Variants in RASEF observed in about 807,000 individuals in gnomAD.
RASEF encodes RAS and EF-hand domain containing.
A neutral mutation model predicts 90.1 loss-of-function variants in RASEF; 68 were observed. The observed-to-expected ratio is 0.75, with a 90% CI of 0.62 to 0.92. The LOEUF (loss-of-function observed/expected upper bound fraction) is 0.92. RASEF is among the 40% of genes least tolerant of loss of function. RASEF has a pLI of 0.00. For synonymous variants in RASEF, 331 were observed against 345.2 expected (o/e 0.96, Z 0.46); for missense variants, 949 against 937.2 (o/e 1.01, Z -0.16).
chr9:83,032,071 CT>C (rs1313105302), intron 1 of RASEF, among the ~76,000 whole-genome samples: 4 of 152,132 alleles, frequency 2.6e-5, no homozygotes, highest in African/African-American at 7.2e-5. Context: ...TTCTGTGCCT[CT>C]CCTGGGCAGC....
chr9:83,026,975 A>G (rs974621128), intron 1 of RASEF, among the ~76,000 whole-genome samples: 2 of 152,122 alleles, frequency 1.3e-5, no homozygotes, highest in African/African-American at 4.8e-5. Flanking sequence ...TGCCACGTAC[A>G]CTTCTGACCA....
intron 1 of RASEF, among the ~76,000 whole-genome samples, chr9:83,027,557 T>G: frequency 6.6e-6 from 1 of 150,968 alleles, no homozygotes; most frequent in East Asian, 1.9e-4. Flanking sequence ...TCACACTATT[T>G]ATTTGTGACA....
the RASEF span, among the ~76,000 whole-genome samples, chr9:83,205,296 G>A: frequency 6.6e-6 from 1 of 152,214 alleles, no homozygotes; most frequent in Non-Finnish European, 1.5e-5. Flanking sequence ...AGAGTTGCTA[G>A]ATGAAGCACA....
At chr9:83,157,740 A>C in the RASEF span, among the ~76,000 whole-genome samples, 2 of 152,196 alleles carry the variant, frequency 1.3e-5, no homozygotes, top group Non-Finnish European at 2.9e-5. Context: ...AACTACAATG[A>C]GCTAACAAAT....
the RASEF span, among the ~76,000 whole-genome samples, chr9:83,196,005 G>A: frequency 2.3e-3 from 343 of 152,126 alleles, 4 homozygotes; most frequent in African/African-American, 7.7e-3. Context: ...ACTTGGACCC[G>A]GGGGTGGCAG....
At chr9:83,105,862 G>A in the RASEF span, among the ~76,000 whole-genome samples, 1 of 152,088 alleles carries the variant, frequency 6.6e-6, no homozygotes, top group East Asian at 1.9e-4. Flanking sequence ...CCCATGTGCC[G>A]GCTGCAGGAC....
the RASEF span, among the ~76,000 whole-genome samples, chr9:83,079,682 A>C: frequency 1.3e-5 from 2 of 152,270 alleles, no homozygotes; most frequent in Admixed American, 1.3e-4. Context: ...TTAAAAAAAT[A>C]CTCATGTCAG....
chr9:83,193,029 A>G, the RASEF span, among the ~76,000 whole-genome samples: 1 of 152,250 alleles, frequency 6.6e-6, no homozygotes, highest in Admixed American at 6.5e-5. Flanking sequence ...TAGACCTCTT[A>G]GAGGTGTGAA....
At chr9:83,065,017 G>A (rs1372350431), upstream of RASEF, among the ~76,000 whole-genome samples, 1 of 152,112 alleles carries the variant, frequency 6.6e-6, no homozygotes, top group South Asian at 2.1e-4. Context: ...GCAGTGAGCC[G>A]AGATCGCGCC....
chr9:83,082,008 T>A, the RASEF span, among the ~76,000 whole-genome samples: 2 of 152,160 alleles, frequency 1.3e-5, no homozygotes, highest in Non-Finnish European at 2.9e-5. Context: ...AAAATGGGGA[T>A]GTTGCCATAG....
chr9:83,121,567 G>T, the RASEF span, among the ~76,000 whole-genome samples: 1 of 152,106 alleles, frequency 6.6e-6, no homozygotes, highest in African/African-American at 2.4e-5. Flanking sequence ...ATTGTCTATG[G>T]CTGCTACAAA....
intron 9 of RASEF, among the ~76,000 whole-genome samples, chr9:83,001,841 G>A (rs760806301): frequency 1.3e-5 from 2 of 152,146 alleles, no homozygotes; most frequent in Non-Finnish European, 2.9e-5. Context: ...GATTTGACAC[G>A]TAAGTTTTCT....
At chr9:83,108,910 AGAAGCCT>A in the RASEF span, among the ~76,000 whole-genome samples, 1 of 152,194 alleles carries the variant, frequency 6.6e-6, no homozygotes. Flanking sequence ...CCCAACTCTG[AGAAGCCT>A]TTCTGAAAAT....
chr9:83,025,299 C>T (rs1269165810), intron 2 of RASEF, among the ~76,000 whole-genome samples: 1 of 152,128 alleles, frequency 6.6e-6, no homozygotes, highest in African/African-American at 2.4e-5. Flanking sequence ...GGGCAGTGTG[C>T]AGGGCTCACC....
the RASEF span, among the ~76,000 whole-genome samples, chr9:83,123,034 T>A: frequency 6.6e-6 from 1 of 151,612 alleles, no homozygotes; most frequent in Non-Finnish European, 1.5e-5. Context: ...GAGTCAGGAG[T>A]TCGAGATCAG....
chr9:83,193,256 G>C, the RASEF span, among the ~76,000 whole-genome samples: 1 of 152,188 alleles, frequency 6.6e-6, no homozygotes. Context: ...ACCTACACTA[G>C]GGCAATAAAG....
the RASEF span, among the ~76,000 whole-genome samples, chr9:83,175,859 G>A: frequency 2.0e-4 from 30 of 152,316 alleles, no homozygotes; most frequent in Middle Eastern, 3.4e-3. Flanking sequence ...GGATACAGGC[G>A]TGAGCCACCA....
chr9:83,182,940 G>A, the RASEF span, among the ~76,000 whole-genome samples: 4 of 152,032 alleles, frequency 2.6e-5, no homozygotes, highest in South Asian at 2.1e-4. Context: ...AAATCATCAC[G>A]CCAAGCGAAA....
chr9:83,007,833 C>T (rs1278182163), intron 6 of RASEF, among the ~76,000 whole-genome samples: 1 of 152,176 alleles, frequency 6.6e-6, no homozygotes, highest in East Asian at 1.9e-4. Flanking sequence ...CAGCTCTGTT[C>T]TCCACGAGGG....
Sources: allele counts gnomAD v4.1 joint callset (sites outside exome capture counted in the v4.1 genomes callset), GRCh38; gene constraint gnomAD v4.1.1; transcripts MANE v1.5; gene names NCBI Gene and HGNC (gene_info 2026-07-23, HGNC 2026-07-21).